The following BTBD9 variants were observed in gnomAD, a reference collection of about 807,000 sequenced individuals.
BTBD9 encodes BTB domain containing 9, also known as BTB/POZ domain-containing protein 9.
Under a neutral mutation model 64.3 loss-of-function variants are expected in BTBD9, and 49 were observed. The ratio of observed to expected loss-of-function variants is 0.76; its 90% CI spans 0.61 to 0.97. The LOEUF (loss-of-function observed/expected upper bound fraction) is 0.97, where lower values mean the gene tolerates loss of function less well. BTBD9 is among the 50% of genes least tolerant of loss of function. The probability of loss-of-function intolerance (pLI) is 0.00; values close to 1 mark genes in which losing one functional copy is unlikely to be tolerated. For synonymous variants in BTBD9, 260 were observed against 274.7 expected (o/e 0.95, Z 0.53); for missense variants, 598 against 762.1 (o/e 0.78, Z 2.53).
chr6:38,171,865 A>AT lies in BTBD9; in HGVS notation c.*3119_*3120insA, dbSNP rs1766791032. ...TACTCTCAAAAAAAAAAAAAAAAAAAAAAAAAAAAAAAAAAAATAATAATA... is the reference window on the plus strand; with the variant it reads ...TACTCTCAAAAAAAAAAAAAAAAAAATAAAAAAAAAAAAAAAAATAATAATA... On this transcript the variant is annotated 3_prime_UTR_variant, in exon 11 of 11. Coordinates refer to ENST00000481247, the MANE Select transcript of BTBD9 (RefSeq NM_001099272.2). 1 of 96,576 alleles carries AT rather than the reference A, an allele frequency of 1.0e-5. No homozygotes were observed. The highest frequency in any genetic ancestry group is 2.4e-5 in the Non-Finnish European group (1 of 42,524). The allele number at this position is 96,576 out of a possible 1,614,324, so 6.0% of individuals were successfully genotyped here.
intron 10 of BTBD9, among the ~76,000 whole-genome samples, chr6:38,187,553 C>T (rs1165109935): frequency 2.0e-5 from 3 of 152,110 alleles, no homozygotes; most frequent in Non-Finnish European, 2.9e-5. Flanking sequence ...AAAAGCCACA[C>T]GTGAGCACTG....
intron 7 of BTBD9, among the ~76,000 whole-genome samples, chr6:38,310,106 A>C (rs1406909425): frequency 6.6e-6 from 1 of 152,198 alleles, no homozygotes; most frequent in Non-Finnish European, 1.5e-5. Flanking sequence ...AGATCTCATG[A>C]AAGTAAGACT....
At chr6:38,368,034 C>T (rs1765253338) in intron 6 of BTBD9, among the ~76,000 whole-genome samples, 1 of 152,070 alleles carries the variant, frequency 6.6e-6, no homozygotes, top group Non-Finnish European at 1.5e-5. Context: ...TTGTTCTTAG[C>T]TTTTAGACAC....
At chr6:38,311,148 T>C (rs1371808786) in intron 7 of BTBD9, among the ~76,000 whole-genome samples, 1 of 152,168 alleles carries the variant, frequency 6.6e-6, no homozygotes, top group Non-Finnish European at 1.5e-5. Context: ...AAATTATTAT[T>C]GACTATAGTC....
intron 6 of BTBD9, among the ~76,000 whole-genome samples, chr6:38,374,297 G>A (rs59748571): frequency 0.43 from 20,984 of 48,472 alleles, 5,714 homozygotes; most frequent in East Asian, 0.76. Context: ...ATATATATAT[G>A]TATATATATG....
At chr6:38,587,250 A>C in intron 4 of BTBD9, 1 of 301,984 alleles carries the variant, frequency 3.3e-6, no homozygotes, top group Non-Finnish European at 6.5e-6. Context: ...AGACCTGTGG[A>C]GAGGTGGCGG....
chr6:38,380,425 A>T (rs1328211483), intron 6 of BTBD9, among the ~76,000 whole-genome samples: 1 of 152,238 alleles, frequency 6.6e-6, no homozygotes, highest in Non-Finnish European at 1.5e-5. Flanking sequence ...TAAAACAATA[A>T]TATTGTCCCA....
At chr6:38,211,914 C>T (rs1177734438) in intron 9 of BTBD9, among the ~76,000 whole-genome samples, 2 of 152,144 alleles carry the variant, frequency 1.3e-5, no homozygotes, top group Non-Finnish European at 2.9e-5. Flanking sequence ...GTGTCTAGAC[C>T]AACATTTTGC....
intron 7 of BTBD9, among the ~76,000 whole-genome samples, chr6:38,322,028 T>C (rs872234): frequency 0.031 from 4,764 of 151,980 alleles, 135 homozygotes; most frequent in East Asian, 0.088. Flanking sequence ...ATGCTGTGTA[T>C]TAGTATATGA....
chr6:38,500,612 T>C (rs1022179100), intron 6 of BTBD9, among the ~76,000 whole-genome samples: 1 of 152,174 alleles, frequency 6.6e-6, no homozygotes, highest in African/African-American at 2.4e-5. Context: ...CTGAGCAACA[T>C]CTTACAGGGC....
In BTBD9 at chr6:38,173,250, G is replaced by A. The variant is rs933858089; in HGVS notation, c.*1735C>T. The A allele has an allele frequency of 2.6e-5, 4 of 152,180 alleles. No homozygotes were observed. Among genetic ancestry groups the A allele is most frequent in the South Asian group, 2.1e-4 (1 of 4,830 alleles). The allele number at this position is 152,180 out of a possible 1,614,324, so 9.4% of individuals were successfully genotyped here. A position where few individuals can be genotyped will look rare whatever the true frequency, so the allele number is the denominator to read the frequency against. Reference sequence around the variant, plus strand: ...TGCTGGAGGGCCCCCCACTGTGAGCGGGCGCCCACCGTTCCTTACAGGAGC... The same window carrying A: ...TGCTGGAGGGCCCCCCACTGTGAGCAGGCGCCCACCGTTCCTTACAGGAGC... On this transcript the variant is annotated 3_prime_UTR_variant, in exon 11 of 11. Coordinates refer to ENST00000481247, the MANE Select transcript of BTBD9 (RefSeq NM_001099272.2).
At chr6:38,540,948 C>T (rs1465134951) in intron 6 of BTBD9, among the ~76,000 whole-genome samples, 2 of 152,214 alleles carry the variant, frequency 1.3e-5, no homozygotes, top group Non-Finnish European at 2.9e-5. Context: ...ACTTTATACA[C>T]AGCATCACCT....
chr6:38,487,766 G>A lies in BTBD9; in HGVS notation c.1154+89834C>T, dbSNP rs546257437. ...CCAGGTATGACTAAAACAATTTCTT[G>A]CTCCTTTAAGGTTTTGAACAGAGAT... On this transcript the variant is annotated intron_variant, in intron 6 of 10. Transcript: ENST00000481247. Among the ~76,000 whole-genome samples, 12 of 152,256 alleles carry A rather than the reference G, an allele frequency of 7.9e-5. No individual in the cohort carries two copies. The South Asian group carries it at 2.1e-3, about 26-fold the overall frequency.
rs1345965599 is a variant in BTBD9, at chr6:38,392,914, G to A, written c.1155-47821C>T. 6.8e-5 allele frequency among the ~76,000 whole-genome samples: 9 copies of A among 131,830 alleles called. No individual in the cohort carries two copies. In the South Asian group the frequency reaches 9.1e-4, roughly 13 times the overall value. 86.5% of individuals were successfully genotyped at this position (131,830 alleles called of 152,430 possible). A position where few individuals can be genotyped will look rare whatever the true frequency, so the allele number is the denominator to read the frequency against. On this transcript the variant is annotated intron_variant, in intron 6 of 10. Coordinates refer to ENST00000481247, the MANE Select transcript of BTBD9 (RefSeq NM_001099272.2). ...TTTTGAGATGGAGTCTTGTTCTATC[G>A]CTCAGGCTAGAGTGCAGTGGCATGA...
chr6:38,313,747 CTTTTTT>C (rs765375990), intron 7 of BTBD9, among the ~76,000 whole-genome samples: 12 of 128,908 alleles, frequency 9.3e-5, no homozygotes, highest in African/African-American at 3.4e-4. Flanking sequence ...GATGAATTAT[CTTTTTT>C]TTTTTTTTTT....
At chr6:38,190,676 G>A (rs910173022) in intron 10 of BTBD9, among the ~76,000 whole-genome samples, 2 of 152,108 alleles carry the variant, frequency 1.3e-5, no homozygotes, top group African/African-American at 4.8e-5. Flanking sequence ...GGGGCCCCTT[G>A]CACAGAGATT....
intron 1 of BTBD9, among the ~76,000 whole-genome samples, chr6:38,613,301 A>C (rs1777672671): frequency 6.6e-6 from 1 of 152,162 alleles, no homozygotes; most frequent in African/African-American, 2.4e-5. Flanking sequence ...AAAGGCAATA[A>C]AGAGTATCCA....
At chr6:38,529,963 T>C (rs1331275383) in intron 6 of BTBD9, among the ~76,000 whole-genome samples, 2 of 152,190 alleles carry the variant, frequency 1.3e-5, no homozygotes, top group African/African-American at 4.8e-5. Flanking sequence ...AGAGAGCCTA[T>C]AAACGGACGT....
At chr6:38,354,917 AAGAG>A (rs150257577) in intron 6 of BTBD9, among the ~76,000 whole-genome samples, 13 of 148,704 alleles carry the variant, frequency 8.7e-5, no homozygotes, top group South Asian at 2.1e-4. Flanking sequence ...GACAGAGAGA[AAGAG>A]AGAGAGAGAG....
Sources: allele counts gnomAD v4.1 joint callset (sites outside exome capture counted in the v4.1 genomes callset), GRCh38; gene constraint gnomAD v4.1.1; transcripts MANE v1.5; gene names NCBI Gene and HGNC (gene_info 2026-07-23, HGNC 2026-07-21).